INTS3: variants seen among roughly 807,000 people sequenced by gnomAD.
INTS3 encodes integrator complex subunit 3.
In INTS3, 34 loss-of-function variants were observed where a neutral mutation model predicts 146.3. The observed-to-expected ratio is 0.23, with a 90% CI of 0.18 to 0.31. INTS3 has a LOEUF of 0.31. Among genes scored for constraint, INTS3 ranks in the 10% least tolerant of loss-of-function variants. INTS3 has a pLI of 1.00. For synonymous variants in INTS3, 475 were observed against 494.9 expected (o/e 0.96, Z 0.53); for missense variants, 757 against 1,304.2 (o/e 0.58, Z 6.46).
chr1:153,767,959 C>G, intron 21 of INTS3, 132 bp downstream of exon 21: 1 of 790,150 alleles, frequency 1.3e-6, no homozygotes. Flanking sequence ...GCTTCCCACA[C>G]TCACAGCTGT....
chr1:153,762,027 A>G (rs1672401870), intron 14 of INTS3, among the ~76,000 whole-genome samples: 1 of 152,250 alleles, frequency 6.6e-6, no homozygotes, highest in South Asian at 2.1e-4. Context: ...GCCTCTGATG[A>G]CAGTTTGTCA....
rs749723501 is a variant in INTS3 at position 153,764,720 on chromosome 1, G to C, written c.1956G>C (p.Leu652=). The change falls in exon 19 of 30, where the codon CTG becomes CTC. Residue 652 remains leucine, a synonymous_variant. Coordinates refer to ENST00000318967, the MANE Select transcript of INTS3 (RefSeq NM_023015.5). ...ESLEESVGKP[L]YLIFRNLCQM... ...TGGAGGAGTCTGTAGGAAAGCCTCT[G>C]TACCTAATATTTAGGTAAGCACGCA... 1 of 1,609,198 alleles carries C rather than the reference G, an allele frequency of 6.2e-7. No individual in the cohort carries two copies. The highest frequency in any genetic ancestry group is 8.5e-7 in the Non-Finnish European group (1 of 1,175,606).
intron 7 of INTS3, chr1:153,752,066 T>C (rs961918966): frequency 1.9e-5 from 11 of 568,786 alleles, no homozygotes; most frequent in South Asian, 4.3e-5. Flanking sequence ...CACTTCCCAC[T>C]AACCTCTCAT....
chr1:153,747,290 G>A lies in INTS3; in HGVS notation c.444G>A (p.Leu148=). Residue 148 remains leucine (L), a synonymous_variant, in exon 5 of 30, where the codon TTG becomes TTA. Transcript: ENST00000318967. ...QDTCRTQLVW[L]VRELVKSGVL... ...CCTCTTTCCTTTAGTTGGTGTGGTT[G>A]GTACGGGAACTGGTGAAGAGTGGGG... The A allele has an allele frequency of 9.3e-6, 15 of 1,614,020 alleles. No individual in the cohort carries two copies. Among genetic ancestry groups the A allele is most frequent in the Non-Finnish European group, 1.3e-5 (15 of 1,179,890 alleles).
At chr1:153,733,463 AGCTT>A (rs1671167728) in intron 1 of INTS3, among the ~76,000 whole-genome samples, 1 of 150,440 alleles carries the variant, frequency 6.6e-6, no homozygotes, top group Non-Finnish European at 1.5e-5. Flanking sequence ...TTCCTGCCTC[AGCTT>A]CCCAAAGTGC....
intron 3 of INTS3, among the ~76,000 whole-genome samples, chr1:153,744,040 TGTGTG>T: frequency 2.4e-4 from 1 of 4,224 alleles, no homozygotes. Flanking sequence ...TGCATGTGCG[TGTGTG>T]TGTGTGTGTG....
In INTS3 at chr1:153,771,752, C is replaced by T. The variant is rs375368677; in HGVS notation, c.2553-44C>T. Reference sequence around the variant, plus strand: ...AGTGGGAGAGACCCAGCATGCCCTGCGGCCACTGTGCAAGCAGCACCCAGT... The same window carrying T: ...AGTGGGAGAGACCCAGCATGCCCTGTGGCCACTGTGCAAGCAGCACCCAGT... On this transcript the variant is annotated intron_variant, in intron 25 of 29. Transcript: ENST00000318967. The T allele has an allele frequency of 1.4e-4, 213 of 1,567,780 alleles. No individual in the cohort carries two copies. The African/African-American group carries it at 2.1e-3, about 16-fold the overall frequency.
At chr1:153,760,232 CAAAAAAAAAAAAAAAA>C (rs58951043) in intron 11 of INTS3, 63 bp from the exon 12 acceptor site, 3 of 395,424 alleles carry the variant, frequency 7.6e-6, no homozygotes, top group East Asian at 6.0e-5. Context: ...GACTCTGTTT[CAAAAAAAAAAAAAAAA>C]AAAAAAAAAA....
chr1:153,728,658 G>A lies in INTS3; in HGVS notation c.24G>A (p.Gly8=). The A allele has an allele frequency of 6.2e-7, 1 of 1,606,384 alleles. No individual in the cohort carries two copies. Among genetic ancestry groups the A allele is most frequent in the Non-Finnish European group, 8.5e-7 (1 of 1,177,638 alleles). The change falls in exon 1 of 30, where the codon GGG becomes GGA. Residue 8 remains glycine, a synonymous_variant. Transcript: ENST00000318967. ...CCATGGAGTTGCAGAAGGGAAAAGG[G>A]GCGGCAGCAGCAGCAGCTGCTTCGG... MELQKGK[G]AAAAAAASGA... is the part of the protein sequence containing the mutation.
At chr1:153,770,787 G>A in intron 25 of INTS3, 54 bp downstream of exon 25, 5 of 1,416,076 alleles carry the variant, frequency 3.5e-6, no homozygotes, top group Non-Finnish European at 5.0e-6. Flanking sequence ...CCCAAGAGCT[G>A]CTGTGGTCTA....
intron 6 of INTS3, among the ~76,000 whole-genome samples, chr1:153,749,674 G>T (rs576599329): frequency 1.3e-5 from 2 of 152,350 alleles, no homozygotes; most frequent in Admixed American, 1.3e-4. Flanking sequence ...TAGCACGTGA[G>T]ATCCTAACAG....
chr1:153,762,722 C>T lies in INTS3; in HGVS notation c.1517-6C>T, dbSNP rs779113949. 1.2e-6 allele frequency: 2 copies of T among 1,613,724 alleles called. No homozygotes were observed. Among genetic ancestry groups the T allele is most frequent in the South Asian group, 1.1e-5 (1 of 91,016 alleles). On this transcript the variant is annotated splice_region_variant and splice_polypyrimidine_tract_variant and intron_variant, in intron 14 of 29. Transcript: ENST00000318967. ...ATTAAATGCCTTATCTTTTTTTACT[C>T]CCAAGTCAAAATTGAGGAGCCAGTT...
chr1:153,760,015 C>T lies in INTS3; in HGVS notation c.1238-296C>T, dbSNP rs184298829. On this transcript the variant is annotated intron_variant, in intron 11 of 29. Transcript: ENST00000318967. Reference sequence around the variant, plus strand: ...GCTCAGTGGAAATGGGGGGAATAGACATAGCACTTCCCAGAGCCATTCATG... The same window carrying T: ...GCTCAGTGGAAATGGGGGGAATAGATATAGCACTTCCCAGAGCCATTCATG... 46 of 521,146 alleles carry T rather than the reference C, an allele frequency of 8.8e-5. No individual in the cohort carries two copies. The East Asian group carries it at 9.9e-4, about 11-fold the overall frequency. The allele number at this position is 521,146 out of a possible 1,614,324, so 32.3% of individuals were successfully genotyped here.
chr1:153,769,666 AT>A (rs57979726), intron 22 of INTS3, 102 bp from the exon 23 acceptor site: 77,972 of 513,014 alleles, frequency 0.15, 5,695 homozygotes, highest in African/African-American at 0.43. Context: ...ACTTCCTCTA[AT>A]TTTTTTTTTT....
rs1328571235 is a variant in INTS3, at chr1:153,728,792, T to TG, written c.150+14dup. 7.6e-7 allele frequency: 1 copy of TG among 1,308,782 alleles called. No homozygotes were observed. The highest frequency in any genetic ancestry group is 1.0e-6 in the Non-Finnish European group (1 of 999,306). The allele number at this position is 1,308,782 out of a possible 1,614,324, so 81.1% of individuals were successfully genotyped here. ...AAGGATGAGTTAGAGGAGGTAGGTG[T>TG]GGGGGGAGGGAAGGGAGTTAAGAAA... is the stretch of plus-strand genomic sequence containing the variant. On this transcript the variant is annotated intron_variant, in intron 1 of 29. Transcript: ENST00000318967.
Position 153,773,438 on chromosome 1 carries a change from A to G in INTS3, c.*168A>G, listed in dbSNP as rs1672992414. ...CTCTGGCTGAGTTTGAGAAGCTGCCATGCAGCCCCTAGCCCCTTCCCTCCT... is the reference window on the plus strand; with the variant it reads ...CTCTGGCTGAGTTTGAGAAGCTGCCGTGCAGCCCCTAGCCCCTTCCCTCCT... On this transcript the variant is annotated 3_prime_UTR_variant, in exon 30 of 30. Transcript: ENST00000318967. The G allele has an allele frequency of 1.5e-6, 1 of 663,792 alleles. No individual in the cohort carries two copies. Among genetic ancestry groups the G allele is most frequent in the East Asian group, 2.7e-5 (1 of 36,754 alleles). 41.1% of individuals were successfully genotyped at this position (663,792 alleles called of 1,614,324 possible). A position where few individuals can be genotyped will look rare whatever the true frequency, so the allele number is the denominator to read the frequency against.
intron 14 of INTS3, 90 bp from the exon 15 acceptor site, chr1:153,762,638 A>G (rs1320316077): frequency 9.4e-6 from 14 of 1,485,758 alleles, no homozygotes; most frequent in Non-Finnish European, 1.3e-5. Flanking sequence ...TTATTCTCTC[A>G]CTTGCCCTCC....
At chr1:153,759,867 GA>G in intron 11 of INTS3, 1 of 551,908 alleles carries the variant, frequency 1.8e-6, no homozygotes, top group East Asian at 3.0e-5. Context: ...ATGGGCAAAG[GA>G]AAAGGCTGTA....
At chr1:153,750,644 C>T (rs1384797799) in intron 6 of INTS3, among the ~76,000 whole-genome samples, 1 of 152,182 alleles carries the variant, frequency 6.6e-6, no homozygotes, top group East Asian at 1.9e-4. Flanking sequence ...TGTTCTTGCA[C>T]CACACTTAAG....
Sources: allele counts gnomAD v4.1 joint callset (sites outside exome capture counted in the v4.1 genomes callset), GRCh38; gene constraint gnomAD v4.1.1; transcripts MANE v1.5; gene names NCBI Gene and HGNC (gene_info 2026-07-23, HGNC 2026-07-21).